FREM3: variants seen among roughly 807,000 people sequenced by gnomAD.
FREM3 encodes FRAS1 related extracellular matrix 3.
Under a neutral mutation model 129.1 loss-of-function variants are expected in FREM3, and 105 were observed. The ratio of observed to expected loss-of-function variants is 0.81; its 90% CI spans 0.69 to 0.96. The LOEUF (loss-of-function observed/expected upper bound fraction) is 0.96, where lower values mean the gene tolerates loss of function less well. FREM3 is among the 40% of genes least tolerant of loss of function. FREM3 has a pLI of 0.00. For missense variants in FREM3, 2,593 were observed against 2,666.3 expected, an observed-to-expected ratio of 0.97 and a Z score of 0.61; for synonymous variants, 1,014 against 1,044.9, an observed-to-expected ratio of 0.97 and a Z score of 0.57.
At chr4:143,670,467 G>A (rs960073329) in intron 2 of FREM3, among the ~76,000 whole-genome samples, 14 of 152,024 alleles carry the variant, frequency 9.2e-5, no homozygotes, top group Non-Finnish European at 1.8e-4. Context: ...TTCATCCCGA[G>A]GTTGAAGTTA....
chr4:143,601,386 C>T (rs1264379197), intron 6 of FREM3, among the ~76,000 whole-genome samples: 2 of 152,146 alleles, frequency 1.3e-5, no homozygotes, highest in Admixed American at 6.5e-5. Context: ...AAATTTTACG[C>T]AAGTTTTCCA....
At chr4:143,598,608 G>A (rs1738522173) in intron 6 of FREM3, among the ~76,000 whole-genome samples, 1 of 152,132 alleles carries the variant, frequency 6.6e-6, no homozygotes, top group Admixed American at 6.5e-5. Context: ...GTATGTCACT[G>A]TGCTAGGGGC....
At position 143,642,269 on chromosome 4, in the gene FREM3, G is replaced by A. The variant is rs550025381; in HGVS notation, c.5276-14509C>T. 2.0e-5 allele frequency among the ~76,000 whole-genome samples: 3 copies of A among 152,180 alleles called. No individual in the cohort carries two copies. The South Asian group carries it at 6.2e-4, about 32-fold the overall frequency. On this transcript the variant is annotated intron_variant, in intron 2 of 7. Coordinates refer to ENST00000329798, the MANE Select transcript of FREM3 (RefSeq NM_001168235.2). ...TTAACACAATACAATCCCTGTCAAA[G>A]TACCAATGACATTCTTCACAGAAGA...
chr4:143,643,868 A>G (rs1739367295), intron 2 of FREM3, among the ~76,000 whole-genome samples: 1 of 152,206 alleles, frequency 6.6e-6, no homozygotes, highest in Admixed American at 6.5e-5. Context: ...TGGATACGGT[A>G]ATTACCTTGA....
intron 6 of FREM3, among the ~76,000 whole-genome samples, chr4:143,603,275 G>T (rs1738605089): frequency 6.6e-6 from 1 of 152,088 alleles, no homozygotes; most frequent in Non-Finnish European, 1.5e-5. Flanking sequence ...CATCTAGGTG[G>T]TTTTAGAAAT....
chr4:143,603,516 A>G (rs2149837875), intron 6 of FREM3, among the ~76,000 whole-genome samples: 1 of 152,280 alleles, frequency 6.6e-6, no homozygotes, highest in Non-Finnish European at 1.5e-5. Flanking sequence ...GACATAGTTG[A>G]TCCATTTAAT....
chr4:143,656,843 A>G (rs1739610136), intron 2 of FREM3, among the ~76,000 whole-genome samples: 1 of 152,224 alleles, frequency 6.6e-6, no homozygotes, highest in South Asian at 2.1e-4. Context: ...TGTTAAAAAT[A>G]TGATATAGTA....
chr4:143,650,236 C>T (rs754335305), intron 2 of FREM3, among the ~76,000 whole-genome samples: 3 of 152,144 alleles, frequency 2.0e-5, no homozygotes, highest in Non-Finnish European at 4.4e-5. Context: ...CTTATTGTAG[C>T]CATGTTGTTT....
At chr4:143,661,477 T>C (rs540037228) in intron 2 of FREM3, among the ~76,000 whole-genome samples, 394 of 152,124 alleles carry the variant, frequency 2.6e-3, no homozygotes, top group Non-Finnish European at 4.7e-3. Context: ...GATGTGCTGC[T>C]GGATTCTGTT....
chr4:143,639,985 C>G (rs950366178), intron 2 of FREM3, among the ~76,000 whole-genome samples: 4 of 152,162 alleles, frequency 2.6e-5, no homozygotes, highest in Admixed American at 2.6e-4. Flanking sequence ...TCTCCTACCT[C>G]TCTTACTGAC....
chr4:143,626,112 T>C (rs1739033392), intron 3 of FREM3, among the ~76,000 whole-genome samples: 1 of 152,164 alleles, frequency 6.6e-6, no homozygotes, highest in African/African-American at 2.4e-5. Flanking sequence ...CTGGAGTGTC[T>C]GATTGAGATG....
intron 2 of FREM3, among the ~76,000 whole-genome samples, chr4:143,656,078 A>C (rs1473380130): frequency 1.3e-5 from 2 of 152,232 alleles, no homozygotes; most frequent in East Asian, 3.8e-4. Context: ...AATGTATTGC[A>C]GTAAAAATTT....
chr4:143,594,489 G>C (rs1214305340), intron 6 of FREM3, among the ~76,000 whole-genome samples: 1 of 152,096 alleles, frequency 6.6e-6, no homozygotes, highest in Non-Finnish European at 1.5e-5. Flanking sequence ...AAAGTCTCAA[G>C]AATTTGTCAA....
chr4:143,604,566 C>T (rs1183023009), intron 6 of FREM3, among the ~76,000 whole-genome samples: 1 of 152,142 alleles, frequency 6.6e-6, no homozygotes, highest in Non-Finnish European at 1.5e-5. Flanking sequence ...TTATTAATAT[C>T]TTAAGTGATA....
intron 6 of FREM3, among the ~76,000 whole-genome samples, chr4:143,593,343 G>C (rs1738401624): frequency 6.6e-6 from 1 of 152,168 alleles, no homozygotes; most frequent in Non-Finnish European, 1.5e-5. Flanking sequence ...TTTCTGCTCT[G>C]TTTTTTCCCC....
At chr4:143,578,696 T>C (rs1738082218) in intron 7 of FREM3, among the ~76,000 whole-genome samples, 1 of 152,190 alleles carries the variant, frequency 6.6e-6, no homozygotes, top group African/African-American at 2.4e-5. Context: ...TAAAGATGCA[T>C]TACCTGAATC....
chr4:143,700,527 C>G lies in FREM3; in HGVS notation c.149G>C (p.Gly50Ala). The G allele has an allele frequency of 6.6e-7, 1 of 1,519,214 alleles. No homozygotes were observed. The highest frequency in any genetic ancestry group is 8.8e-7 in the Non-Finnish European group (1 of 1,136,762). The allele number at this position is 1,519,214 out of a possible 1,614,324, so 94.1% of individuals were successfully genotyped here. Residue 50 changes from glycine to alanine, a missense_variant, in exon 1 of 8, where the codon GGT becomes GCT. Around this residue, in one of 2 missense-constraint regions of FREM3, gnomAD observed 2,276 missense variants for 2,267.2 expected, o/e 1.00. Coordinates refer to ENST00000329798, the MANE Select transcript of FREM3 (RefSeq NM_001168235.2). ...GTCGGGGCGAGTGCCGTCAAGCGCA[C>G]CCCGGGCGGGCAGGTAAAGCGCCGG... is the stretch of plus-strand genomic sequence containing the variant. Reference protein sequence around the residue: ...PDPALYLPARGALDGTRPDGP... With the variant: ...PDPALYLPARAALDGTRPDGP...
chr4:143,668,620 G>A (rs1739908375), intron 2 of FREM3, among the ~76,000 whole-genome samples: 1 of 152,204 alleles, frequency 6.6e-6, no homozygotes, highest in African/African-American at 2.4e-5. Context: ...GCTAGGGCAT[G>A]GGCCTCTGAA....
chr4:143,699,189 G>A lies in FREM3; in HGVS notation c.1487C>T (p.Ala496Val), dbSNP rs76574286. Reference sequence around the variant, plus strand: ...CACCACTCGCCCTGCTGCCAGGTCCGCTGGTGTGAAATACTTGCACCCAGC... The same window carrying A: ...CACCACTCGCCCTGCTGCCAGGTCCACTGGTGTGAAATACTTGCACCCAGC... Reference protein sequence around the residue: ...APAGCKYFTPADLAAGRVVYQ... With the variant: ...APAGCKYFTPVDLAAGRVVYQ... The change falls in exon 1 of 8, where the codon GCG becomes GTG. Residue 496 changes from alanine to valine, a missense_variant. By Grantham distance (64) the Ala-to-Val change is moderately conservative (BLOSUM62 0). Transcript: ENST00000329798. The surrounding 1 kb of genome is among the most constrained non-coding windows in gnomAD (Gnocchi z 4.2). 2,469 of 1,537,308 alleles carry A rather than the reference G, an allele frequency of 1.6e-3. 41 individuals carry two copies. In the African/African-American group the frequency reaches 0.03, roughly 19 times the overall value.
Sources: allele counts gnomAD v4.1 joint callset (sites outside exome capture counted in the v4.1 genomes callset), GRCh38; gene constraint gnomAD v4.1.1; regional missense constraint gnomAD v4.1.1; non-coding constraint Gnocchi (gnomAD v3.1); transcripts MANE v1.5; gene names NCBI Gene and HGNC (gene_info 2026-07-23, HGNC 2026-07-21).